Variants in SMAP1 observed in about 807,000 individuals in gnomAD.
SMAP1 encodes small ArfGAP 1, also known as stromal membrane-associated protein 1.
Under a neutral mutation model 58.5 loss-of-function variants are expected in SMAP1, and 24 were observed. That is an observed-to-expected ratio of 0.41 (90% confidence interval 0.30 to 0.58). The LOEUF is 0.58. Ranked by LOEUF, SMAP1 falls within the 20% of genes least tolerant of loss-of-function variation. The pLI is 0.29. For missense variants in SMAP1, 563 were observed against 566.3 expected (o/e 0.99, Z 0.06); for synonymous variants, 216 against 196.6 (o/e 1.10, Z -0.82).
chr6:70,780,612 GTCC>G (rs1473860375), intron 4 of SMAP1, among the ~76,000 whole-genome samples: 1 of 152,162 alleles, frequency 6.6e-6, no homozygotes, highest in Non-Finnish European at 1.5e-5. Context: ...TGTCCTGTCT[GTCC>G]TCCTTCCCTT....
At chr6:70,730,238 G>A (rs1180256188) in intron 1 of SMAP1, among the ~76,000 whole-genome samples, 1 of 152,080 alleles carries the variant, frequency 6.6e-6, no homozygotes, top group African/African-American at 2.4e-5. Context: ...TTTTATTAGA[G>A]ACCACTGTGG....
At chr6:70,708,945 A>G (rs1216786584) in intron 1 of SMAP1, among the ~76,000 whole-genome samples, 1 of 152,118 alleles carries the variant, frequency 6.6e-6, no homozygotes, top group Admixed American at 6.5e-5. Flanking sequence ...TTTCCTTTGC[A>G]TTGCAGAAGC....
At chr6:70,859,588 CCTTCT>C (rs770544370) in intron 10 of SMAP1, 4 of 419,876 alleles carry the variant, frequency 9.5e-6, no homozygotes, top group Non-Finnish European at 1.7e-5. Flanking sequence ...TCTTGCCTTT[CCTTCT>C]CTTATCACCA....
At chr6:70,795,359 T>C (rs898717153) in intron 5 of SMAP1, among the ~76,000 whole-genome samples, 21 of 152,326 alleles carry the variant, frequency 1.4e-4, no homozygotes, top group African/African-American at 3.8e-4. Flanking sequence ...TACCATAGAT[T>C]GAGTAGCTTA....
intron 2 of SMAP1, among the ~76,000 whole-genome samples, chr6:70,739,934 T>C (rs1455287593): frequency 6.6e-6 from 1 of 152,134 alleles, no homozygotes; most frequent in Non-Finnish European, 1.5e-5. Flanking sequence ...ATATTTCTTA[T>C]TTTAAAATTT....
At chr6:70,704,466 T>C (rs1344347124) in intron 1 of SMAP1, among the ~76,000 whole-genome samples, 1 of 152,174 alleles carries the variant, frequency 6.6e-6, no homozygotes, top group Non-Finnish European at 1.5e-5. Flanking sequence ...TCAAGTCAAA[T>C]TAAAATGGTT....
At chr6:70,716,074 T>A (rs1242373138) in intron 1 of SMAP1, among the ~76,000 whole-genome samples, 2 of 152,256 alleles carry the variant, frequency 1.3e-5, no homozygotes, top group African/African-American at 4.8e-5. Context: ...TTCATTCCTT[T>A]CTATGGCTTA....
rs576466808 is a variant in SMAP1 at position 70,852,415 on chromosome 6, A to C, written c.665-125A>C. On this transcript the variant is annotated intron_variant, in intron 7 of 10. Transcript: ENST00000370455. ...GGGATCGGGGGTAGGTAGAAGGAGA[A>C]CAAATGTTTTACCAACTTTTGAACT... The C allele has an allele frequency of 8.2e-6, 8 of 972,100 alleles. No individual in the cohort carries two copies. The African/African-American group carries it at 1.0e-4, about 12-fold the overall frequency. The allele number at this position is 972,100 out of a possible 1,614,324, so 60.2% of individuals were successfully genotyped here. A position where few individuals can be genotyped will look rare whatever the true frequency, so the allele number is the denominator to read the frequency against.
At chr6:70,686,194 A>G (rs967541586) in intron 1 of SMAP1, among the ~76,000 whole-genome samples, 2 of 152,192 alleles carry the variant, frequency 1.3e-5, no homozygotes, top group Non-Finnish European at 2.9e-5. Flanking sequence ...TTTACCTGCT[A>G]TGCAGTGCAG....
chr6:70,700,243 G>A (rs7767385), intron 1 of SMAP1, among the ~76,000 whole-genome samples: 4 of 152,148 alleles, frequency 2.6e-5, no homozygotes, highest in African/African-American at 9.7e-5. Flanking sequence ...TGAGGCTTCC[G>A]CAGAAGCCAA....
chr6:70,719,824 G>A (rs904671361), intron 1 of SMAP1, among the ~76,000 whole-genome samples: 2 of 152,068 alleles, frequency 1.3e-5, no homozygotes, highest in Admixed American at 1.3e-4. Context: ...GGAAAGACTA[G>A]CCCCCATGGT....
chr6:70,861,462 A>AACAT lies in SMAP1; in HGVS notation c.*1133_*1136dup, dbSNP rs1247467641. 20 of 573,244 alleles carry AACAT rather than the reference A, an allele frequency of 3.5e-5. No homozygotes were observed. Among genetic ancestry groups the AACAT allele is most frequent in the South Asian group, 2.6e-4 (11 of 42,228 alleles). The allele number at this position is 573,244 out of a possible 1,614,324, so 35.5% of individuals were successfully genotyped here. On this transcript the variant is annotated 3_prime_UTR_variant, in exon 11 of 11. Transcript: ENST00000370455. ...AAACATGCAGAACAAATGAAGACAA[A>AACAT]ACATACATTTTGTACCAACCATCCA...
Position 70,857,976 on chromosome 6 carries a change from T to G in SMAP1, c.1016T>G (p.Phe339Cys), listed in dbSNP as rs1269698621. The G allele has an allele frequency of 1.2e-6, 2 of 1,614,154 alleles. No individual in the cohort carries two copies. The highest frequency in any genetic ancestry group is 1.7e-6 in the Non-Finnish European group (2 of 1,180,008). ...IPFTSQAPAA[F>C]QGFPSMGVPV... is the part of the protein sequence containing the mutation. Reference sequence around the variant, plus strand: ...TTTACCTCACAAGCACCAGCTGCATTTCAGGGCTTTCCATCGATGGGCGTG... The same window carrying G: ...TTTACCTCACAAGCACCAGCTGCATGTCAGGGCTTTCCATCGATGGGCGTG... The change falls in exon 10 of 11, where the codon TTT becomes TGT. Residue 339 changes from phenylalanine (F) to cysteine (C), a missense_variant. Physicochemically the swap from Phe to Cys is radical, Grantham distance 205. This residue lies in a region of SMAP1 where 494 missense variants were observed against 473.8 expected (regional missense o/e 1.04). Transcript: ENST00000370455.
At chr6:70,741,771 G>A (rs1329128199) in intron 2 of SMAP1, among the ~76,000 whole-genome samples, 1 of 152,172 alleles carries the variant, frequency 6.6e-6, no homozygotes, top group African/African-American at 2.4e-5. Context: ...CCCCACCCCT[G>A]CAACAAACTT....
At chr6:70,813,290 C>G (rs1048909385) in intron 6 of SMAP1, among the ~76,000 whole-genome samples, 2 of 152,004 alleles carry the variant, frequency 1.3e-5, no homozygotes, top group African/African-American at 4.8e-5. Flanking sequence ...TAAAGATTAC[C>G]TACCAGTTAA....
chr6:70,783,859 C>A (rs2149929183), intron 4 of SMAP1, among the ~76,000 whole-genome samples: 1 of 152,266 alleles, frequency 6.6e-6, no homozygotes, highest in East Asian at 1.9e-4. Context: ...GAGAATGGAA[C>A]CAAGTTGGAA....
chr6:70,755,442 A>T (rs984883894), intron 3 of SMAP1, among the ~76,000 whole-genome samples: 10 of 152,062 alleles, frequency 6.6e-5, no homozygotes, highest in African/African-American at 1.9e-4. Context: ...TACAGTATTC[A>T]GTAAATTACA....
intron 4 of SMAP1, among the ~76,000 whole-genome samples, chr6:70,777,498 A>G (rs1377584634): frequency 2.0e-5 from 3 of 151,896 alleles, no homozygotes; most frequent in Non-Finnish European, 4.4e-5. Context: ...CTTGTATATT[A>G]TGGATGCTAG....
At chr6:70,766,805 A>T (rs1405112871) in intron 3 of SMAP1, among the ~76,000 whole-genome samples, 1 of 152,088 alleles carries the variant, frequency 6.6e-6, no homozygotes, top group Admixed American at 6.5e-5. Flanking sequence ...GGTGTTTTAG[A>T]CATGAAGTCC....
Sources: gnomAD v4.1 joint callset for allele counts (sites outside exome capture counted in the v4.1 genomes callset) on GRCh38, gnomAD v4.1.1 for gene constraint, gnomAD v4.1.1 regional missense constraint, MANE v1.5 for transcripts, NCBI Gene and HGNC (gene_info 2026-07-23, HGNC 2026-07-21) for gene names.